SMAD7: variants seen among roughly 807,000 people sequenced by gnomAD.
SMAD7 encodes the protein MAD (mothers against decapentaplegic, Drosophila) homolog 7.
In SMAD7, 8 loss-of-function variants were observed where a neutral mutation model predicts 38.7. The observed-to-expected ratio is 0.21, with a 90% CI of 0.12 to 0.37. The LOEUF is 0.37. Ranked by LOEUF, SMAD7 falls within the 10% of genes least tolerant of loss-of-function variation. The pLI is 1.00. For synonymous variants in SMAD7, 327 were observed against 265.1 expected (o/e 1.23, Z -2.27); for missense variants, 477 against 577.9 (o/e 0.83, Z 1.79).
intron 2 of SMAD7, among the ~76,000 whole-genome samples, chr18:48,947,893 C>A (rs1176792937): frequency 3.0e-5 from 1 of 32,796 alleles, no homozygotes; most frequent in African/African-American, 2.3e-4. Context: ...GAGGAACCTA[C>A]CCCCCCCCCC....
At chr18:48,941,991 G>A (rs967955377) in intron 3 of SMAD7, among the ~76,000 whole-genome samples, 2 of 152,154 alleles carry the variant, frequency 1.3e-5, no homozygotes, top group East Asian at 1.9e-4. Context: ...CAGCAGGCTG[G>A]GCTGGGAATC....
At chr18:48,935,099 T>A (rs2070048658) in intron 3 of SMAD7, among the ~76,000 whole-genome samples, 1 of 152,124 alleles carries the variant, frequency 6.6e-6, no homozygotes, top group Non-Finnish European at 1.5e-5. Flanking sequence ...AGATACTGAA[T>A]CCACGGGGCA....
At chr18:48,948,601 A>C (rs2070223971) in intron 1 of SMAD7, 164 bp from the exon 2 acceptor site, 1 of 486,444 alleles carries the variant, frequency 2.1e-6, no homozygotes, top group African/African-American at 2.1e-5. Flanking sequence ...CTGTCAGATA[A>C]ACAAAAGAGG....
chr18:48,937,957 G>T lies in SMAD7; in HGVS notation c.742+4524C>A, dbSNP rs909916638. Among the ~76,000 whole-genome samples, 4 of 152,216 alleles carry T rather than the reference G, an allele frequency of 2.6e-5. No individual in the cohort carries two copies. The East Asian group carries it at 5.8e-4, about 22-fold the overall frequency. ...GAGCTGTTTTGTAGCCAGGCAGGGG[G>T]AGGTGACTTAATTTAAAAGCAGAGC... On this transcript the variant is annotated intron_variant, in intron 3 of 3. Coordinates refer to ENST00000262158, the MANE Select transcript of SMAD7 (RefSeq NM_005904.4).
At chr18:48,935,468 G>A (rs193075935) in intron 3 of SMAD7, among the ~76,000 whole-genome samples, 159 of 152,230 alleles carry the variant, frequency 1.0e-3, no homozygotes, top group African/African-American at 3.3e-3. Context: ...GAGGGTGCCC[G>A]GGCCAGTCAC....
chr18:48,934,887 C>T (rs2070046143), intron 3 of SMAD7, among the ~76,000 whole-genome samples: 1 of 152,152 alleles, frequency 6.6e-6, no homozygotes, highest in Non-Finnish European at 1.5e-5. Context: ...AATTTCCTGT[C>T]TTGTCCCAAT....
At chr18:48,945,319 G>A (rs973175811) in intron 2 of SMAD7, among the ~76,000 whole-genome samples, 2 of 152,164 alleles carry the variant, frequency 1.3e-5, no homozygotes, top group African/African-American at 2.4e-5. Context: ...AAAATTAGCT[G>A]GGCATGGTGA....
intron 3 of SMAD7, among the ~76,000 whole-genome samples, chr18:48,938,712 G>A (rs906914894): frequency 6.6e-6 from 1 of 152,190 alleles, no homozygotes; most frequent in Admixed American, 6.5e-5. Flanking sequence ...ACTCCAGATG[G>A]AGGCTGCAAA....
intron 3 of SMAD7, among the ~76,000 whole-genome samples, chr18:48,930,517 C>T (rs968656498): frequency 6.6e-6 from 1 of 152,198 alleles, no homozygotes; most frequent in African/African-American, 2.4e-5. Context: ...CTTTCAGAGC[C>T]TCCAGGCCTC....
Position 48,950,159 on chromosome 18 carries a change from TCGGCGCCCCCGGCCGCGC to T in SMAD7, c.248_265del (p.Gly83_Ala88del), listed in dbSNP as rs2070245355. 11 of 1,490,472 alleles carry T rather than the reference TCGGCGCCCCCGGCCGCGC, an allele frequency of 7.4e-6. No individual in the cohort carries two copies. The highest frequency in any genetic ancestry group is 4.4e-5 in the African/African-American group (3 of 67,830). The allele number at this position is 1,490,472 out of a possible 1,614,324, so 92.3% of individuals were successfully genotyped here. On this transcript the variant is annotated inframe_deletion, in exon 1 of 4. Coordinates refer to ENST00000262158, the MANE Select transcript of SMAD7 (RefSeq NM_005904.4). ...GTGCGTGAGCGCCTTCAGATCCGCC[TCGGCGCCCCCGGCCGCGC>T]CGGCGCCCGCGGCTGGCGGGTGGGG...
chr18:48,946,693 G>C (rs2070199561), intron 2 of SMAD7, among the ~76,000 whole-genome samples: 2 of 152,092 alleles, frequency 1.3e-5, no homozygotes, highest in Non-Finnish European at 2.9e-5. Flanking sequence ...TGTCTTTGTG[G>C]CTTCTCTGTT....
intron 3 of SMAD7, among the ~76,000 whole-genome samples, chr18:48,936,327 C>T (rs547349174): frequency 2.0e-5 from 3 of 152,146 alleles, no homozygotes; most frequent in African/African-American, 4.8e-5. Flanking sequence ...TAAAACCTAC[C>T]GCTGGCCATT....
At chr18:48,939,213 A>G (rs946893112) in intron 3 of SMAD7, among the ~76,000 whole-genome samples, 2 of 148,570 alleles carry the variant, frequency 1.3e-5, no homozygotes, top group African/African-American at 2.5e-5. Flanking sequence ...GCACCCAGCA[A>G]TCCATCTGTC....
Position 48,949,945 on chromosome 18 carries a change from G to A in SMAD7, c.480C>T (p.Cys160=). The change falls in exon 1 of 4, where the codon TGC becomes TGT. Residue 160 remains cysteine, a synonymous_variant. Coordinates refer to ENST00000262158, the MANE Select transcript of SMAD7 (RefSeq NM_005904.4). ...TGAGATCCGGCCACCTGAACACTTT[G>A]CACAGCAGGAGGGGGAGCGAGTAGG... ...PSSYSLPLLL[C]KVFRWPDLRH... The A allele has an allele frequency of 6.2e-7, 1 of 1,613,096 alleles. No homozygotes were observed. The highest frequency in any genetic ancestry group is 1.7e-5 in the Admixed American group (1 of 59,972).
At chr18:48,943,904 G>A (rs907059282) in intron 2 of SMAD7, among the ~76,000 whole-genome samples, 2 of 152,156 alleles carry the variant, frequency 1.3e-5, no homozygotes, top group African/African-American at 4.8e-5. Flanking sequence ...CTCAAGGCTG[G>A]AAGGACAACT....
At chr18:48,941,732 C>T (rs1456914600) in intron 3 of SMAD7, among the ~76,000 whole-genome samples, 11 of 152,198 alleles carry the variant, frequency 7.2e-5, no homozygotes, top group Non-Finnish European at 1.5e-4. Context: ...TGAAATGCGT[C>T]CCATGTACAT....
chr18:48,942,075 C>T (rs1255599609), intron 3 of SMAD7, among the ~76,000 whole-genome samples: 4 of 152,176 alleles, frequency 2.6e-5, no homozygotes, highest in Non-Finnish European at 5.9e-5. Flanking sequence ...CAACAAGTTC[C>T]CTAAAGGTGG....
chr18:48,925,301 G>C (rs1174285221), intron 3 of SMAD7, among the ~76,000 whole-genome samples: 1 of 152,186 alleles, frequency 6.6e-6, no homozygotes, highest in African/African-American at 2.4e-5. Flanking sequence ...GCATCCAAAA[G>C]AAAAGCTGTG....
At position 48,948,415 on chromosome 18, in the gene SMAD7, G is replaced by A. The variant is rs747604546; in HGVS notation, c.636C>T (p.Ser212=). 3.1e-6 allele frequency: 5 copies of A among 1,601,466 alleles called. No homozygotes were observed. The highest frequency in any genetic ancestry group is 2.6e-6 in the Non-Finnish European group (3 of 1,174,498). Residue 212 remains serine, a synonymous_variant, in exon 2 of 4, where the codon TCC becomes TCT. Coordinates refer to ENST00000262158, the MANE Select transcript of SMAD7 (RefSeq NM_005904.4). The part of the protein sequence containing the change: ...CELESPPPPY[S]RYPMDFLKPT... ...GTTTGAGAAAATCCATCGGGTATCT[G>A]GAGTAAGGAGGGGGGGGAGACTCTG...
Sources: gnomAD v4.1 joint callset for allele counts (sites outside exome capture counted in the v4.1 genomes callset) on GRCh38, gnomAD v4.1.1 for gene constraint, MANE v1.5 for transcripts, NCBI Gene and HGNC (gene_info 2026-07-23, HGNC 2026-07-21) for gene names.